The following TSPAN16 variants were observed in gnomAD, a reference collection of about 807,000 sequenced individuals.
TSPAN16 encodes tetraspanin 16.
TSPAN16 carries 23 observed loss-of-function variants against 25.2 expected under a neutral mutation model. That is an observed-to-expected ratio of 0.91 (90% confidence interval 0.66 to 1.29). The LOEUF (loss-of-function observed/expected upper bound fraction) is 1.29, where lower values mean the gene tolerates loss of function less well. Ranked by LOEUF, TSPAN16 falls within the 50% of genes most tolerant of loss-of-function variation. The pLI is 0.00. For missense variants in TSPAN16, 272 were observed against 299.9 expected, an observed-to-expected ratio of 0.91 and a Z score of 0.69; for synonymous variants, 123 against 124.4, an observed-to-expected ratio of 0.99 and a Z score of 0.08.
chr19:11,314,588 C>T (rs2080725897), intron 6 of TSPAN16, among the ~76,000 whole-genome samples: 1 of 152,014 alleles, frequency 6.6e-6, no homozygotes, highest in Non-Finnish European at 1.5e-5. Flanking sequence ...ACCTTCCTCC[C>T]CAAGGATCCC....
intron 3 of TSPAN16, 196 bp from the exon 4 acceptor site, chr19:11,301,005 G>C (rs1308288358): frequency 1.8e-6 from 1 of 555,766 alleles, no homozygotes; most frequent in African/African-American, 1.9e-5. Context: ...GCGTCTCCCT[G>C]TTTCCCTCTC....
chr19:11,316,361 C>T (rs1401668734), downstream of TSPAN16, among the ~76,000 whole-genome samples: 1 of 152,010 alleles, frequency 6.6e-6, no homozygotes, highest in Non-Finnish European at 1.5e-5. Context: ...TTCAGGTGAT[C>T]CACCTGCCTC....
Position 11,301,255 on chromosome 19 carries a change from G to T in TSPAN16, c.397G>T (p.Gly133Cys). Residue 133 changes from glycine (G) to cysteine (C), a missense_variant, in exon 4 of 7, where the codon GGT becomes TGT. Gly to Cys is a radical substitution (Grantham distance 159). Coordinates refer to ENST00000590327, the MANE Select transcript of TSPAN16 (RefSeq NM_001282509.2). ...CGTGACCCTGAGGAAGAATTACAGAGGTTACAACGAGCCAGACGACTATTC... is the reference window on the plus strand; with the variant it reads ...CGTGACCCTGAGGAAGAATTACAGATGTTACAACGAGCCAGACGACTATTC... The part of the protein sequence containing the change: ...TFVTLRKNYR[G>C]YNEPDDYSTQ... 6.2e-7 allele frequency: 1 copy of T among 1,613,880 alleles called. No individual in the cohort carries two copies. The highest frequency in any genetic ancestry group is 8.5e-7 in the Non-Finnish European group (1 of 1,179,972).
chr19:11,307,206 G>T (rs938185382), intron 5 of TSPAN16, among the ~76,000 whole-genome samples: 1 of 151,124 alleles, frequency 6.6e-6, no homozygotes, highest in Admixed American at 6.6e-5. Context: ...TGCAACCTCC[G>T]CCTCCTGGGT....
Position 11,321,044 on chromosome 19 carries a change from C to G in TSPAN16, c.688-5750C>G, listed in dbSNP as rs142810815. ...ATTAGCCAGGCGTAGTGGAGTGTGC[C>G]TGTAATCCCAGCTACTCGGGAGGCT... On this transcript the variant is annotated intron_variant, in intron 6 of 6. Transcript: ENST00000316737. Among the ~76,000 whole-genome samples, 238 of 151,978 alleles carry G rather than the reference C, an allele frequency of 1.6e-3. 3 individuals carry two copies. In the East Asian group the frequency reaches 0.037, roughly 24 times the overall value.
chr19:11,299,692 G>A (rs1288937974), intron 3 of TSPAN16, among the ~76,000 whole-genome samples: 1 of 152,078 alleles, frequency 6.6e-6, no homozygotes, highest in African/African-American at 2.4e-5. Flanking sequence ...ATTGCAAAGA[G>A]GGCCAGGTGC....
downstream of TSPAN16, among the ~76,000 whole-genome samples, chr19:11,319,991 T>A (rs1599351445): frequency 6.6e-6 from 1 of 151,944 alleles, no homozygotes; most frequent in Middle Eastern, 3.4e-3. Flanking sequence ...ATTTTTTTGT[T>A]GTATTTTCAG....
At chr19:11,309,968 G>A (rs1006088555) in intron 5 of TSPAN16, among the ~76,000 whole-genome samples, 1 of 152,138 alleles carries the variant, frequency 6.6e-6, no homozygotes, top group Non-Finnish European at 1.5e-5. Context: ...TGGGTGTGGT[G>A]TTGTTGCACA....
At chr19:11,320,491 A>G (rs919440277), downstream of TSPAN16, among the ~76,000 whole-genome samples, 3 of 152,004 alleles carry the variant, frequency 2.0e-5, no homozygotes, top group Non-Finnish European at 1.5e-5. Flanking sequence ...CAGCCTGGGC[A>G]ACATAGCAAG....
intron 4 of TSPAN16, among the ~76,000 whole-genome samples, chr19:11,302,661 A>G (rs1239310636): frequency 4.9e-5 from 5 of 101,886 alleles, no homozygotes; most frequent in African/African-American, 2.4e-4. Context: ...ATACACATAC[A>G]TATATATATA....
intron 4 of TSPAN16, among the ~76,000 whole-genome samples, chr19:11,303,951 T>A (rs1041218479): frequency 6.6e-6 from 1 of 151,502 alleles, no homozygotes; most frequent in African/African-American, 2.4e-5. Context: ...ACCTGGCTAA[T>A]TTTTGTCTCT....
intron 4 of TSPAN16, among the ~76,000 whole-genome samples, chr19:11,301,938 C>T (rs1003424620): frequency 6.6e-6 from 1 of 151,108 alleles, no homozygotes; most frequent in Non-Finnish European, 1.5e-5. Flanking sequence ...ATTCTCCTGT[C>T]TTAGCCTCCC....
intron 4 of TSPAN16, among the ~76,000 whole-genome samples, chr19:11,303,375 C>A (rs1256809335): frequency 6.8e-6 from 1 of 147,046 alleles, no homozygotes; most frequent in Non-Finnish European, 1.5e-5. Flanking sequence ...CGTTAAGAGT[C>A]GTCACCACTC....
intron 5 of TSPAN16, among the ~76,000 whole-genome samples, chr19:11,310,477 T>C (rs983201631): frequency 3.5e-5 from 5 of 142,808 alleles, no homozygotes; most frequent in African/African-American, 1.1e-4. Flanking sequence ...TTAGCGCCAC[T>C]ACACTCCAGC....
At chr19:11,298,375 T>C in intron 2 of TSPAN16, 36 bp downstream of exon 2, 5 of 1,593,620 alleles carry the variant, frequency 3.1e-6, no homozygotes, top group Non-Finnish European at 4.3e-6. Flanking sequence ...CAGAACTGCC[T>C]CCCCACACAC....
chr19:11,307,648 G>A (rs534123096), intron 5 of TSPAN16, among the ~76,000 whole-genome samples: 7 of 148,454 alleles, frequency 4.7e-5, no homozygotes, highest in East Asian at 2.0e-4. Context: ...GGCTGGTCTC[G>A]AACTCCTGGC....
chr19:11,299,953 G>T (rs1321664040), intron 3 of TSPAN16, among the ~76,000 whole-genome samples: 1 of 149,888 alleles, frequency 6.7e-6, no homozygotes, highest in East Asian at 2.0e-4. Context: ...CTCCAGCCTG[G>T]GCAACAAGAG....
At chr19:11,311,199 A>G (rs1394409413) in intron 5 of TSPAN16, among the ~76,000 whole-genome samples, 1 of 152,108 alleles carries the variant, frequency 6.6e-6, no homozygotes, top group African/African-American at 2.4e-5. Context: ...GCAGTGGTAC[A>G]ATCTCGGCTC....
At chr19:11,306,355 G>A (rs112429716) in intron 4 of TSPAN16, among the ~76,000 whole-genome samples, 122 of 151,978 alleles carry the variant, frequency 8.0e-4, no homozygotes, top group African/African-American at 2.1e-3. Context: ...CACCATGCCT[G>A]GCTAATTTTT....
Sources: allele counts gnomAD v4.1 joint callset (sites outside exome capture counted in the v4.1 genomes callset), GRCh38; gene constraint gnomAD v4.1.1; transcripts MANE v1.5; gene names NCBI Gene and HGNC (gene_info 2026-07-23, HGNC 2026-07-21).